The following TUT4 variants were observed in gnomAD, a reference collection of about 807,000 sequenced individuals.
TUT4 encodes terminal uridylyl transferase 4.
A neutral mutation model predicts 192.2 loss-of-function variants in TUT4; 36 were observed. The ratio of observed to expected loss-of-function variants is 0.19; its 90% CI spans 0.14 to 0.25. TUT4 has a LOEUF of 0.25. Among genes scored for constraint, TUT4 ranks in the 10% least tolerant of loss-of-function variants. TUT4 has a pLI of 1.00. For missense variants in TUT4, 1,493 were observed against 1,957.2 expected (o/e 0.76, Z 4.47); for synonymous variants, 618 against 666.0 (o/e 0.93, Z 1.11).
At chr1:52,468,439 GA>G (rs1249324973) in intron 14 of TUT4, 172 bp from the exon 15 acceptor site, 23 of 513,206 alleles carry the variant, frequency 4.5e-5, no homozygotes, top group Non-Finnish European at 7.0e-5. Context: ...GAGATAGAAG[GA>G]AAAAAACTGT....
intron 1 of TUT4, among the ~76,000 whole-genome samples, chr1:52,549,181 T>C (rs1042242780): frequency 1.3e-5 from 2 of 152,108 alleles, no homozygotes; most frequent in Admixed American, 1.3e-4. Context: ...AATACAAAAC[T>C]AGGAGTCAGA....
In TUT4 at chr1:52,474,828, C is replaced by T; in HGVS notation, c.2727+4G>A. 1.3e-6 allele frequency: 2 copies of T among 1,585,064 alleles called. No individual in the cohort carries two copies. The highest frequency in any genetic ancestry group is 8.6e-7 in the Non-Finnish European group (1 of 1,168,178). ...TTACAGATCATTTACAAACTGTATC[C>T]TACCTTGCCAGAGGTTAAAATAAAC... is the stretch of plus-strand genomic sequence containing the variant. On this transcript the variant is annotated splice_donor_region_variant and intron_variant, in intron 13 of 29. Transcript: ENST00000257177.
Position 52,435,533 on chromosome 1 carries a change from C to T in TUT4, c.4163-68G>A. On this transcript the variant is annotated intron_variant, in intron 26 of 29. Coordinates refer to ENST00000257177, the MANE Select transcript of TUT4 (RefSeq NM_001009881.3). The stretch of plus-strand genomic sequence containing the variant: ...TAGCAGAGAAATGACAATAAATAAA[C>T]TCCCTTCTTATGTAAAAGAATCTCA... 14 of 1,193,952 alleles carry T rather than the reference C, an allele frequency of 1.2e-5. 1 individual carries two copies. The South Asian group carries it at 1.8e-4, about 15-fold the overall frequency. 74.0% of individuals were successfully genotyped at this position (1,193,952 alleles called of 1,614,324 possible).
At chr1:52,547,038 A>G (rs961950287) in intron 1 of TUT4, among the ~76,000 whole-genome samples, 18 of 151,368 alleles carry the variant, frequency 1.2e-4, no homozygotes, top group Admixed American at 4.6e-4. Context: ...TAGCTACTCA[A>G]GAGGCTAAGG....
intron 29 of TUT4, 51 bp from the exon 30 acceptor site, chr1:52,424,053 TGAC>T: frequency 6.5e-7 from 1 of 1,541,642 alleles, no homozygotes; most frequent in Non-Finnish European, 8.8e-7. Flanking sequence ...CCTGTTTATC[TGAC>T]AACACCTTAG....
chr1:52,489,105 G>A (rs1169959019), intron 8 of TUT4, 70 bp from the exon 9 acceptor site: 6 of 1,438,112 alleles, frequency 4.2e-6, no homozygotes, highest in East Asian at 2.5e-5. Context: ...AAATCCTGTG[G>A]CTATTTTCTT....
At position 52,481,338 on chromosome 1, in the gene TUT4, A is replaced by C. The variant is rs755552435; in HGVS notation, c.1848+85T>G. ...CCAAGAGGCTTGCTCAAGGTCAGTCAATCTACAATTAAAATAGCTTCAATC... is the reference window on the plus strand; with the variant it reads ...CCAAGAGGCTTGCTCAAGGTCAGTCCATCTACAATTAAAATAGCTTCAATC... On this transcript the variant is annotated intron_variant, in intron 11 of 29. Transcript: ENST00000257177. 465 of 1,417,526 alleles carry C rather than the reference A, an allele frequency of 3.3e-4. 1 individual carries two copies. Among genetic ancestry groups the C allele is most frequent in the Non-Finnish European group, 3.8e-5 (39 of 1,020,526 alleles). 87.8% of individuals were successfully genotyped at this position (1,417,526 alleles called of 1,614,324 possible). A position where few individuals can be genotyped will look rare whatever the true frequency, so the allele number is the denominator to read the frequency against.
chr1:52,525,771 G>A lies in TUT4; in HGVS notation c.510C>T (p.Asp170=), dbSNP rs1252176153. The change falls in exon 2 of 30, where the codon GAC becomes GAT. Residue 170 remains aspartate, a synonymous_variant. Coordinates refer to ENST00000257177, the MANE Select transcript of TUT4 (RefSeq NM_001009881.3). ...GTTGTAATTCTGTCTTCTGTCTCAT[G>A]TCTTTCAACAGTAAACTGGGTCCCT... is the stretch of plus-strand genomic sequence containing the variant. The part of the protein sequence containing the change: ...AEKGPSLLLK[D]MRQKTELQQI... The A allele has an allele frequency of 6.2e-7, 1 of 1,614,168 alleles. No individual in the cohort carries two copies. Among genetic ancestry groups the A allele is most frequent in the South Asian group, 1.1e-5 (1 of 91,084 alleles).
At chr1:52,547,673 A>T (rs907885630) in intron 1 of TUT4, among the ~76,000 whole-genome samples, 2 of 152,220 alleles carry the variant, frequency 1.3e-5, no homozygotes, top group Admixed American at 1.3e-4. Context: ...ATCTCCATAG[A>T]AGGTAATACT....
chr1:52,506,204 C>T (rs190638508), intron 4 of TUT4, among the ~76,000 whole-genome samples: 2 of 152,310 alleles, frequency 1.3e-5, no homozygotes, highest in Admixed American at 6.5e-5. Flanking sequence ...CTCTAATATG[C>T]TGTTGGATTC....
intron 24 of TUT4, among the ~76,000 whole-genome samples, chr1:52,441,444 A>ATTTTTTTTTTTTTT (rs557710242): frequency 1.9e-4 from 23 of 119,972 alleles, no homozygotes; most frequent in African/African-American, 3.3e-4. Context: ...TCTCGGCTAA[A>ATTTTTTTTTTTTTT]TTTTTTTTTT....
At chr1:52,435,985 A>G (rs911689880) in intron 26 of TUT4, among the ~76,000 whole-genome samples, 3 of 151,748 alleles carry the variant, frequency 2.0e-5, no homozygotes, top group African/African-American at 4.8e-5. Context: ...GGAAATCACT[A>G]CTTCTAAAAT....
intron 13 of TUT4, among the ~76,000 whole-genome samples, chr1:52,473,803 G>A (rs1263835355): frequency 1.3e-5 from 2 of 152,134 alleles, no homozygotes; most frequent in African/African-American, 4.8e-5. Context: ...TGCACTTGAA[G>A]TACTGTGATT....
intron 24 of TUT4, among the ~76,000 whole-genome samples, chr1:52,445,023 A>ATATG (rs970600586): frequency 7.7e-6 from 1 of 129,084 alleles, no homozygotes; most frequent in African/African-American, 4.0e-5. Context: ...ATATATGTAT[A>ATATG]TATGTGTATA....
At chr1:52,536,868 T>G (rs1198566390) in intron 1 of TUT4, among the ~76,000 whole-genome samples, 1 of 137,738 alleles carries the variant, frequency 7.3e-6, no homozygotes, top group Non-Finnish European at 1.6e-5. Flanking sequence ...AACATTAAAT[T>G]AAATTTTAAA....
chr1:52,515,217 T>C (rs1321149044), intron 3 of TUT4: 1 of 152,446 alleles, frequency 6.6e-6, no homozygotes, highest in Non-Finnish European at 1.5e-5. Flanking sequence ...TAATGTTCAA[T>C]AAATACAGGT....
chr1:52,452,710 T>C (rs527666432), intron 20 of TUT4, among the ~76,000 whole-genome samples: 3 of 152,360 alleles, frequency 2.0e-5, no homozygotes, highest in East Asian at 1.9e-4. Flanking sequence ...CCTTGTTTTA[T>C]GTATTTCTTC....
Position 52,431,049 on chromosome 1 carries a change from T to C in TUT4, c.4675A>G (p.Asn1559Asp). The C allele has an allele frequency of 6.2e-7, 1 of 1,601,238 alleles. No individual in the cohort carries two copies. Among genetic ancestry groups the C allele is most frequent in the Non-Finnish European group, 8.5e-7 (1 of 1,169,768 alleles). The change falls in exon 28 of 30, where the codon AAT (asparagine) becomes GAT (aspartate). Residue 1559 changes from asparagine to aspartate, a missense_variant. Around this residue, in one of 7 missense-constraint regions of TUT4, gnomAD observed 351 missense variants for 397.8 expected, o/e 0.88. Coordinates refer to ENST00000257177, the MANE Select transcript of TUT4 (RefSeq NM_001009881.3). Reference sequence around the variant, plus strand: ...ACTGCACCACTGTTTACCAGGGAATTTGGAGCCACAGTACGGGGCCAGTGT... The same window carrying C: ...ACTGCACCACTGTTTACCAGGGAATCTGGAGCCACAGTACGGGGCCAGTGT... ...DGHWPRTVAPNSLVNSGAVGN... is the reference protein window; with the variant it reads ...DGHWPRTVAPDSLVNSGAVGN...
intron 12 of TUT4, among the ~76,000 whole-genome samples, chr1:52,477,081 T>G (rs886270359): frequency 6.6e-6 from 1 of 152,210 alleles, no homozygotes; most frequent in Non-Finnish European, 1.5e-5. Context: ...TCTCATAATC[T>G]TATGACACAA....
Sources: gnomAD v4.1 joint callset for allele counts (sites outside exome capture counted in the v4.1 genomes callset) on GRCh38, gnomAD v4.1.1 for gene constraint, gnomAD v4.1.1 regional missense constraint, MANE v1.5 for transcripts, NCBI Gene and HGNC (gene_info 2026-07-23, HGNC 2026-07-21) for gene names.